Variants in KIF26B observed in about 807,000 individuals in gnomAD.
KIF26B encodes kinesin-like protein KIF26B.
A neutral mutation model predicts 151.2 loss-of-function variants in KIF26B; 63 were observed. The observed-to-expected ratio is 0.42, with a 90% CI of 0.34 to 0.51. KIF26B has a LOEUF of 0.51. Ranked by LOEUF, KIF26B falls within the 20% of genes least tolerant of loss-of-function variation. The pLI is 0.07. For synonymous variants in KIF26B, 1,357 were observed against 1,262.1 expected (o/e 1.08, Z -1.59); for missense variants, 2,813 against 2,913.6 (o/e 0.97, Z 0.79).
rs1389545374 is a variant in KIF26B at position 245,688,285 on chromosome 1, G to A, written c.5302G>A (p.Gly1768Ser). The A allele has an allele frequency of 2.5e-6, 4 of 1,596,452 alleles. No individual in the cohort carries two copies. The East Asian group carries it at 6.7e-5, about 27-fold the overall frequency. Reference protein sequence around the residue: ...FSTKSLPQAVGQGSSSPPGGK... With the variant: ...FSTKSLPQAVSQGSSSPPGGK... ...CACCAAGTCCCTGCCGCAGGCGGTG[G>A]GCCAGGGCTCCAGCTCGCCCCCCGG... is the stretch of plus-strand genomic sequence containing the variant. Residue 1768 changes from glycine (G) to serine (S), a missense_variant, in exon 12 of 15, where the codon GGC becomes AGC. Gly to Ser is a moderately conservative substitution (Grantham distance 56). Transcript: ENST00000407071.
intron 5 of KIF26B, among the ~76,000 whole-genome samples, chr1:245,600,108 G>A (rs1452145716): frequency 7.2e-6 from 1 of 138,788 alleles, no homozygotes; most frequent in African/African-American, 2.8e-5. Flanking sequence ...GCGTGATCTT[G>A]GCTCACCACA....
chr1:245,254,188 C>T (rs1321736597), intron 2 of KIF26B, among the ~76,000 whole-genome samples: 1 of 152,146 alleles, frequency 6.6e-6, no homozygotes, highest in Non-Finnish European at 1.5e-5. Context: ...ACCTGTAACG[C>T]ATTGACTTTA....
At chr1:245,289,232 G>A (rs539854480) in intron 2 of KIF26B, among the ~76,000 whole-genome samples, 9 of 152,250 alleles carry the variant, frequency 5.9e-5, no homozygotes, top group Non-Finnish European at 1.2e-4. Flanking sequence ...TGATTTAGTC[G>A]TAAATGTGGT....
At chr1:245,270,644 A>G (rs1057011815) in intron 2 of KIF26B, among the ~76,000 whole-genome samples, 1 of 152,026 alleles carries the variant, frequency 6.6e-6, no homozygotes, top group African/African-American at 2.4e-5. Flanking sequence ...ATTGAGTTGT[A>G]GGAATTCCTT....
intron 4 of KIF26B, among the ~76,000 whole-genome samples, chr1:245,441,012 G>A (rs1305172751): frequency 1.3e-5 from 2 of 152,226 alleles, no homozygotes; most frequent in Admixed American, 1.3e-4. Flanking sequence ...AAGACAGGAA[G>A]GTATAAAATC....
chr1:245,582,064 A>G (rs2043180611), intron 5 of KIF26B, among the ~76,000 whole-genome samples: 1 of 152,258 alleles, frequency 6.6e-6, no homozygotes, highest in Non-Finnish European at 1.5e-5. Flanking sequence ...TAACTGCTAC[A>G]TCCAGGCAAC....
At chr1:245,342,446 G>A (rs1319050010) in intron 2 of KIF26B, among the ~76,000 whole-genome samples, 2 of 152,218 alleles carry the variant, frequency 1.3e-5, no homozygotes, top group Admixed American at 1.3e-4. Flanking sequence ...TCTAGGGAGA[G>A]CAGTCTGGAC....
rs1356056246 is a variant in KIF26B, at chr1:245,685,963, C to T, written c.2980C>T (p.Pro994Ser). ...AGGTCAGCTGACCAACAGAGAAGGC[C>T]CTGAACTCCCAGCCTCCAAGATGCA... is the stretch of plus-strand genomic sequence containing the variant. ...SEGQLTNREG[P>S]ELPASKMQRS... The change falls in exon 12 of 15, where the codon CCT (proline) becomes TCT (serine). Residue 994 changes from proline (P) to serine (S), a missense_variant. Physicochemically the swap from Pro to Ser is moderately conservative, Grantham distance 74. Around this residue, in one of 3 missense-constraint regions of KIF26B, gnomAD observed 2,060 missense variants for 2,088.6 expected, o/e 0.99. Coordinates refer to ENST00000407071, the MANE Select transcript of KIF26B (RefSeq NM_018012.4). 2.5e-6 allele frequency: 4 copies of T among 1,604,948 alleles called. No homozygotes were observed. Among genetic ancestry groups the T allele is most frequent in the Non-Finnish European group, 2.6e-6 (3 of 1,175,982 alleles).
chr1:245,453,413 A>G (rs1245588682), intron 4 of KIF26B, among the ~76,000 whole-genome samples: 1 of 152,144 alleles, frequency 6.6e-6, no homozygotes, highest in Admixed American at 6.5e-5. Context: ...AAAGTATTGC[A>G]TTAAAAGATT....
At chr1:245,612,054 TTGTGTG>T (rs5782359) in intron 9 of KIF26B, 78 bp downstream of exon 9, 25,477 of 671,658 alleles carry the variant, frequency 0.038, 511 homozygotes, top group African/African-American at 0.064. Context: ...ACCATGACCT[TTGTGTG>T]TGTGTGTGTG....
chr1:245,384,238 T>A (rs888282123), intron 3 of KIF26B, among the ~76,000 whole-genome samples: 23 of 152,122 alleles, frequency 1.5e-4, no homozygotes, highest in African/African-American at 5.6e-4. Context: ...AAGTCCACTG[T>A]CTCTCTCCAC....
chr1:245,284,951 A>G (rs1328673243), intron 2 of KIF26B, among the ~76,000 whole-genome samples: 2 of 152,236 alleles, frequency 1.3e-5, no homozygotes, highest in Non-Finnish European at 2.9e-5. Flanking sequence ...AGGCACAAGA[A>G]TCACTTGAAC....
At chr1:245,555,917 G>A (rs1662012136) in intron 5 of KIF26B, among the ~76,000 whole-genome samples, 1 of 152,194 alleles carries the variant, frequency 6.6e-6, no homozygotes, top group Non-Finnish European at 1.5e-5. Context: ...AGTGGCCTGC[G>A]TATTCAACAG....
chr1:245,224,030 A>G (rs576240348), intron 2 of KIF26B, among the ~76,000 whole-genome samples: 1 of 152,320 alleles, frequency 6.6e-6, no homozygotes, highest in Non-Finnish European at 1.5e-5. Flanking sequence ...CACGTCTGTA[A>G]TCCCAGCACT....
At chr1:245,491,607 T>G (rs370578873) in intron 4 of KIF26B, among the ~76,000 whole-genome samples, 1 of 151,974 alleles carries the variant, frequency 6.6e-6, no homozygotes, top group Non-Finnish European at 1.5e-5. Context: ...GGACAATGGA[T>G]TAAAACTCTA....
intron 9 of KIF26B, among the ~76,000 whole-genome samples, chr1:245,623,174 T>A (rs2043684853): frequency 6.6e-6 from 1 of 151,802 alleles, no homozygotes; most frequent in Non-Finnish European, 1.5e-5. Flanking sequence ...ATCAAGATAA[T>A]GAATATATTC....
At chr1:245,635,138 G>T (rs1397229264) in intron 9 of KIF26B, among the ~76,000 whole-genome samples, 2 of 128,378 alleles carry the variant, frequency 1.6e-5, no homozygotes, top group Non-Finnish European at 1.6e-5. Context: ...GTTTGCTTTT[G>T]GTATCAGATT....
At chr1:245,291,299 GCAAA>G (rs1344569204) in intron 2 of KIF26B, among the ~76,000 whole-genome samples, 1 of 152,292 alleles carries the variant, frequency 6.6e-6, no homozygotes, top group East Asian at 1.9e-4. Context: ...GGACATTTTT[GCAAA>G]CAATCTATTA....
rs189393111 is a variant in KIF26B at position 245,593,242 on chromosome 1, T to C, written c.1351-9335T>C. On this transcript the variant is annotated intron_variant, in intron 5 of 14. Coordinates refer to ENST00000407071, the MANE Select transcript of KIF26B (RefSeq NM_018012.4). ...AATGTGCAGGTTTGTTACATAGGTA[T>C]ACACATGCCATGGTGGTTTGCTGCA... Among the ~76,000 whole-genome samples the C allele has an allele frequency of 8.8e-3, 1,345 of 152,328 alleles. 14 individuals are homozygous for C. The highest frequency in any genetic ancestry group is 0.031 in the Middle Eastern group (9 of 294).
Sources: allele counts gnomAD v4.1 joint callset (sites outside exome capture counted in the v4.1 genomes callset), GRCh38; gene constraint gnomAD v4.1.1; regional missense constraint gnomAD v4.1.1; transcripts MANE v1.5; gene names NCBI Gene and HGNC (gene_info 2026-07-23, HGNC 2026-07-21).